The following ARIH1 variants were observed in gnomAD, a reference collection of about 807,000 sequenced individuals.
The protein encoded by ARIH1 is E3 ubiquitin-protein ligase ARIH1.
ARIH1 carries 8 observed loss-of-function variants against 85.0 expected under a neutral mutation model. The ratio of observed to expected loss-of-function variants is 0.09; its 90% CI spans 0.06 to 0.17. The LOEUF (loss-of-function observed/expected upper bound fraction) is 0.17. Among genes scored for constraint, ARIH1 ranks in the 10% least tolerant of loss-of-function variants. The pLI is 1.00. For missense variants in ARIH1, 311 were observed against 718.1 expected, an observed-to-expected ratio of 0.43 and a Z score of 6.48; for synonymous variants, 238 against 253.6, an observed-to-expected ratio of 0.94 and a Z score of 0.59.
intron 1 of ARIH1, among the ~76,000 whole-genome samples, chr15:72,516,416 CTG>C (rs2063975247): frequency 1.6e-5 from 1 of 61,808 alleles, no homozygotes. Flanking sequence ...TTTTTAATTT[CTG>C]AGTTCTTTTA....
In ARIH1 at chr15:72,474,638, C is replaced by T; in HGVS notation, c.-2C>T. The T allele has an allele frequency of 6.6e-7, 1 of 1,523,354 alleles. No individual in the cohort carries two copies. Among genetic ancestry groups the T allele is most frequent in the Non-Finnish European group, 8.8e-7 (1 of 1,136,854 alleles). 94.4% of individuals were successfully genotyped at this position (1,523,354 alleles called of 1,614,324 possible). On this transcript the variant is annotated 5_prime_UTR_variant, in exon 1 of 14. Coordinates refer to ENST00000379887, the MANE Select transcript of ARIH1 (RefSeq NM_005744.5). ...GTCCGCCGGGCCCCCGCGCGTCGCG[C>T]CATGGACTCGGACGAGGGCTACAAC...
intron 2 of ARIH1, among the ~76,000 whole-genome samples, chr15:72,529,597 C>G (rs1015091570): frequency 2.0e-5 from 3 of 152,120 alleles, no homozygotes; most frequent in African/African-American, 7.2e-5. Context: ...CAATAGACCA[C>G]CATGGTACGT....
chr15:72,550,506 T>G (rs2064148908), intron 3 of ARIH1, among the ~76,000 whole-genome samples: 1 of 152,210 alleles, frequency 6.6e-6, no homozygotes, highest in African/African-American at 2.4e-5. Flanking sequence ...TACCCCTTCC[T>G]TTAACAGCCT....
At position 72,596,115 on chromosome 15, in the gene ARIH1, G is replaced by A. The variant is rs1332896058; in HGVS notation, c.*12823G>A. 1 of 152,072 alleles carries A rather than the reference G, an allele frequency of 6.6e-6. No individual in the cohort carries two copies. Among genetic ancestry groups the A allele is most frequent in the Non-Finnish European group, 1.5e-5 (1 of 67,998 alleles). 9.4% of individuals were successfully genotyped at this position (152,072 alleles called of 1,614,324 possible). A position where few individuals can be genotyped will look rare whatever the true frequency, so the allele number is the denominator to read the frequency against. Reference sequence around the variant, plus strand: ...GGATTACAGGTCACTAGGCGTAGTAGGGCTACTACGCCTGGCCCTACTGCA... The same window carrying A: ...GGATTACAGGTCACTAGGCGTAGTAAGGCTACTACGCCTGGCCCTACTGCA... On this transcript the variant is annotated 3_prime_UTR_variant, in exon 14 of 14. Transcript: ENST00000379887.
intron 2 of ARIH1, among the ~76,000 whole-genome samples, chr15:72,536,391 A>G (rs571116561): frequency 5.9e-5 from 9 of 152,192 alleles, no homozygotes; most frequent in Non-Finnish European, 1.2e-4. Flanking sequence ...GCTACTGCAC[A>G]TAGCCTTTTT....
At position 72,525,809 on chromosome 15, in the gene ARIH1, T is replaced by C. The variant is rs922310916; in HGVS notation, c.443+7675T>C. Among the ~76,000 whole-genome samples the C allele has an allele frequency of 5.3e-5, 8 of 151,966 alleles. No individual in the cohort carries two copies. In the East Asian group the frequency reaches 5.8e-4, roughly 11 times the overall value. ...GTTCCTCCACATTCTTTTTTTTTTTTCTCAATTTTTTTGTAGAAGCAGGGT... is the reference window on the plus strand; with the variant it reads ...GTTCCTCCACATTCTTTTTTTTTTTCCTCAATTTTTTTGTAGAAGCAGGGT... On this transcript the variant is annotated intron_variant, in intron 2 of 13. Coordinates refer to ENST00000379887, the MANE Select transcript of ARIH1 (RefSeq NM_005744.5).
chr15:72,549,556 C>T (rs945043630), intron 3 of ARIH1, among the ~76,000 whole-genome samples: 9 of 152,120 alleles, frequency 5.9e-5, no homozygotes, highest in African/African-American at 1.9e-4. Context: ...TTGAAAATAC[C>T]TACGTCCCAC....
intron 2 of ARIH1, among the ~76,000 whole-genome samples, chr15:72,540,246 G>A (rs554121527): frequency 6.0e-4 from 72 of 120,796 alleles, no homozygotes; most frequent in African/African-American, 1.9e-3. Flanking sequence ...TGACAAGAGC[G>A]AGACTTTGTC....
intron 1 of ARIH1, among the ~76,000 whole-genome samples, chr15:72,476,997 T>C (rs10468052): frequency 0.88 from 133,445 of 152,232 alleles, 61,130 homozygotes; most frequent in East Asian, 1. Context: ...CTTTTATAAA[T>C]ATTGAAAATA....
chr15:72,561,605 C>G (rs549342363), intron 6 of ARIH1, 56 bp downstream of exon 6: 1 of 1,029,278 alleles, frequency 9.7e-7, no homozygotes, highest in African/African-American at 1.7e-5. Flanking sequence ...AATAGAAATA[C>G]TATTTTAAAA....
At chr15:72,542,800 G>A (rs2064113122) in intron 2 of ARIH1, among the ~76,000 whole-genome samples, 1 of 152,070 alleles carries the variant, frequency 6.6e-6, no homozygotes, top group Admixed American at 6.5e-5. Flanking sequence ...GATGACAGAA[G>A]TTTGTCTTGT....
At chr15:72,546,786 A>C (rs1348105154) in intron 3 of ARIH1, among the ~76,000 whole-genome samples, 1 of 151,624 alleles carries the variant, frequency 6.6e-6, no homozygotes. Context: ...ACGGGGTTTC[A>C]CCATGTTGCC....
chr15:72,535,949 C>T (rs1184280691), intron 2 of ARIH1, among the ~76,000 whole-genome samples: 2 of 151,972 alleles, frequency 1.3e-5, no homozygotes, highest in African/African-American at 4.8e-5. Flanking sequence ...GGGGGTGGGG[C>T]GGGGGCAGAG....
chr15:72,497,117 C>T (rs2063883269), intron 1 of ARIH1, among the ~76,000 whole-genome samples: 2 of 151,926 alleles, frequency 1.3e-5, no homozygotes, highest in African/African-American at 2.4e-5. Flanking sequence ...TTTAAGATGC[C>T]GAATAATAGA....
chr15:72,583,093 G>T, intron 13 of ARIH1, 115 bp from the exon 14 acceptor site: 3 of 703,690 alleles, frequency 4.3e-6, no homozygotes, highest in South Asian at 1.9e-5. Context: ...TAAAAAATAG[G>T]TGCTTGGTTC....
intron 1 of ARIH1, among the ~76,000 whole-genome samples, chr15:72,499,889 C>T (rs1393594467): frequency 3.9e-5 from 6 of 152,078 alleles, no homozygotes; most frequent in African/African-American, 1.2e-4. Context: ...GGACTGCATC[C>T]TTAATTTAAC....
At chr15:72,490,351 C>G (rs1406649458) in intron 1 of ARIH1, among the ~76,000 whole-genome samples, 1 of 152,104 alleles carries the variant, frequency 6.6e-6, no homozygotes, top group Admixed American at 6.5e-5. Context: ...CTGGGCAGCA[C>G]AGCAGGAGGC....
intron 2 of ARIH1, among the ~76,000 whole-genome samples, chr15:72,531,677 G>A (rs1387037453): frequency 1.3e-5 from 2 of 152,142 alleles, no homozygotes; most frequent in African/African-American, 4.8e-5. Context: ...GAAAGTATAG[G>A]TATAATAATA....
chr15:72,484,415 C>G (rs1440655561), intron 1 of ARIH1, among the ~76,000 whole-genome samples: 2 of 151,626 alleles, frequency 1.3e-5, no homozygotes, highest in Non-Finnish European at 2.9e-5. Context: ...TCTCTCACCC[C>G]CTTCTCACCT....
Sources: gnomAD v4.1 joint callset for allele counts (sites outside exome capture counted in the v4.1 genomes callset) on GRCh38, gnomAD v4.1.1 for gene constraint, MANE v1.5 for transcripts, NCBI Gene and HGNC (gene_info 2026-07-23, HGNC 2026-07-21) for gene names.